NDST4: variants seen among roughly 807,000 people sequenced by gnomAD.
NDST4 encodes N-deacetylase and N-sulfotransferase 4.
A neutral mutation model predicts 100.8 loss-of-function variants in NDST4; 63 were observed. The ratio of observed to expected loss-of-function variants is 0.62; its 90% CI spans 0.51 to 0.77. The LOEUF is 0.77. Ranked by LOEUF, NDST4 falls within the 30% of genes least tolerant of loss-of-function variation. The pLI, the probability that NDST4 is intolerant of heterozygous loss-of-function variation, is 0.00. For synonymous variants in NDST4, 377 were observed against 361.8 expected (o/e 1.04, Z -0.48); for missense variants, 943 against 1,018.4 (o/e 0.93, Z 1.01).
chr4:114,833,662 A>C lies in NDST4; in HGVS notation c.2340T>G (p.Asp780Glu). The change falls in exon 12 of 14, where the codon GAT becomes GAG. Residue 780 changes from aspartate to glutamate, a missense_variant. Transcript: ENST00000264363. ...QLRSDPATVM[D>E]EVQKFLGVTP... Reference sequence around the variant, plus strand: ...TAACTCCCAGAAACTTCTGGACTTCATCCATCACAGTAGCTGGGTCAGATC... The same window carrying C: ...TAACTCCCAGAAACTTCTGGACTTCCTCCATCACAGTAGCTGGGTCAGATC... 1 of 1,613,568 alleles carries C rather than the reference A, an allele frequency of 6.2e-7. No individual in the cohort carries two copies. Among genetic ancestry groups the C allele is most frequent in the Non-Finnish European group, 8.5e-7 (1 of 1,179,790 alleles).
At chr4:114,998,980 T>A (rs1250433263) in intron 2 of NDST4, among the ~76,000 whole-genome samples, 18 of 152,028 alleles carry the variant, frequency 1.2e-4, no homozygotes. Context: ...CATATCATAA[T>A]CACACAAGAT....
chr4:114,853,361 T>A (rs1723720768), intron 7 of NDST4, among the ~76,000 whole-genome samples: 1 of 152,156 alleles, frequency 6.6e-6, no homozygotes, highest in South Asian at 2.1e-4. Flanking sequence ...AGCTCTAGAC[T>A]TAAGGTTTTA....
In NDST4 at chr4:114,929,041, T is replaced by TCCGTCC. The variant is rs1560816896; in HGVS notation, c.1536+6164_1536+6165insGGACGG. Among the ~76,000 whole-genome samples the TCCGTCC allele has an allele frequency of 3.0e-3, 363 of 122,038 alleles. 4 individuals carry two copies. Among genetic ancestry groups the TCCGTCC allele is most frequent in the African/African-American group, 0.01 (352 of 34,296 alleles). The allele number at this position is 122,038 out of a possible 152,430, so 80.1% of individuals were successfully genotyped here. On this transcript the variant is annotated intron_variant, in intron 6 of 13. Transcript: ENST00000264363. Reference sequence around the variant, plus strand: ...CTATCTATCTGTCTGTCTGTCTGTCTGTCCGTCCGTCCGTCCGTCCGTCCG... The same window carrying TCCGTCC: ...CTATCTATCTGTCTGTCTGTCTGTCTCCGTCCGTCCGTCCGTCCGTCCGTCCGTCCG...
chr4:114,976,456 A>C (rs996398912), intron 3 of NDST4, among the ~76,000 whole-genome samples: 1 of 143,774 alleles, frequency 7.0e-6, no homozygotes, highest in African/African-American at 2.5e-5. Context: ...CAGATATTTC[A>C]ATGCTAATAT....
In NDST4 at chr4:114,974,747, T is replaced by C. The variant is rs1258044717; in HGVS notation, c.1066+2440A>G. Among the ~76,000 whole-genome samples the C allele has an allele frequency of 7.2e-5, 11 of 152,298 alleles. No individual in the cohort carries two copies. The East Asian group carries it at 1.4e-3, about 19-fold the overall frequency. ...TGACTTTAGGAAAAGCTTAGTGGTA[T>C]GCCCTTTTGAGGTGAGATTGTTTTT... On this transcript the variant is annotated intron_variant, in intron 3 of 13. Coordinates refer to ENST00000264363, the MANE Select transcript of NDST4 (RefSeq NM_022569.3).
chr4:114,895,861 T>A (rs1421762537), intron 6 of NDST4, among the ~76,000 whole-genome samples: 3 of 152,024 alleles, frequency 2.0e-5, no homozygotes, highest in Admixed American at 2.0e-4. Context: ...GTTGGCTTCA[T>A]CCCTGGGATG....
At chr4:114,973,213 ATTATATGTGGAAATATCATTTGCAGT>A (rs1378091577) in intron 3 of NDST4, among the ~76,000 whole-genome samples, 2 of 151,996 alleles carry the variant, frequency 1.3e-5, no homozygotes, top group African/African-American at 4.8e-5. Flanking sequence ...ATATACTTAA[ATTATATGTGGAAATATCATTTGCAGT>A]TTATATGTGA....
chr4:114,967,174 C>A (rs1370380870), intron 4 of NDST4, among the ~76,000 whole-genome samples: 2 of 151,940 alleles, frequency 1.3e-5, no homozygotes, highest in Non-Finnish European at 2.9e-5. Flanking sequence ...GTTATGTTGA[C>A]AATAAAGGTG....
intron 2 of NDST4, among the ~76,000 whole-genome samples, chr4:115,026,852 T>G (rs1727997565): frequency 6.6e-6 from 1 of 152,122 alleles, no homozygotes; most frequent in African/African-American, 2.4e-5. Flanking sequence ...TGTATTTTAA[T>G]AGATATTTCT....
At chr4:114,941,973 T>G (rs891228350) in intron 4 of NDST4, among the ~76,000 whole-genome samples, 1 of 152,244 alleles carries the variant, frequency 6.6e-6, no homozygotes, top group Non-Finnish European at 1.5e-5. Flanking sequence ...GTGGTTTAAG[T>G]TCTAAGAAAA....
At chr4:115,048,368 T>C (rs1014745956) in intron 2 of NDST4, among the ~76,000 whole-genome samples, 1 of 152,170 alleles carries the variant, frequency 6.6e-6, no homozygotes, top group Non-Finnish European at 1.5e-5. Flanking sequence ...CTTTTTCATA[T>C]GTCAAATTCA....
rs279517 is a variant in NDST4, at chr4:114,980,253, T to A, written c.979-2979A>T. On this transcript the variant is annotated intron_variant, in intron 2 of 13. Coordinates refer to ENST00000264363, the MANE Select transcript of NDST4 (RefSeq NM_022569.3). ...CTTGTTAATGAGCTAGAAATAAAGT[T>A]TCTCAATTTGGGATACAAATAAAAT... Among the ~76,000 whole-genome samples, 505 of 152,254 alleles carry A rather than the reference T, an allele frequency of 3.3e-3. 3 individuals carry two copies. The highest frequency in any genetic ancestry group is 4.0e-3 in the Non-Finnish European group (269 of 68,028).
intron 6 of NDST4, among the ~76,000 whole-genome samples, chr4:114,926,217 A>G (rs1376401910): frequency 6.6e-6 from 1 of 152,126 alleles, no homozygotes; most frequent in Non-Finnish European, 1.5e-5. Context: ...GAAAAATAAG[A>G]GGGAGTTATC....
At chr4:114,875,804 G>C (rs568713458) in intron 6 of NDST4, among the ~76,000 whole-genome samples, 8 of 152,126 alleles carry the variant, frequency 5.3e-5, no homozygotes, top group Non-Finnish European at 1.0e-4. Flanking sequence ...TACTCTCCAG[G>C]TTGAGTCAGA....
intron 7 of NDST4, among the ~76,000 whole-genome samples, chr4:114,865,124 G>A (rs1445110961): frequency 6.6e-6 from 1 of 151,594 alleles, no homozygotes; most frequent in Non-Finnish European, 1.5e-5. Flanking sequence ...GAGTGCAGTG[G>A]CACAATCTCG....
In NDST4 at chr4:115,076,986, G is replaced by C; in HGVS notation, c.51C>G (p.Leu17=). 1 of 1,612,254 alleles carries C rather than the reference G, an allele frequency of 6.2e-7. No individual in the cohort carries two copies. The highest frequency in any genetic ancestry group is 8.5e-7 in the Non-Finnish European group (1 of 1,179,308). The part of the protein sequence containing the change: ...LRRSFRTLIV[L]LATFCLVSIV... ...TGCTCACCAAGCAAAAGGTAGCTAA[G>C]AGAACAATCAATGTTCGAAAACTTC... Residue 17 remains leucine (L), a synonymous_variant, in exon 2 of 14, where the codon CTC becomes CTG. Transcript: ENST00000264363.
chr4:114,959,146 A>G (rs1470580734), intron 4 of NDST4, among the ~76,000 whole-genome samples: 1 of 152,170 alleles, frequency 6.6e-6, no homozygotes, highest in Non-Finnish European at 1.5e-5. Flanking sequence ...CATTTTCCAG[A>G]TCACTTTCAG....
intron 4 of NDST4, among the ~76,000 whole-genome samples, chr4:114,960,051 A>G (rs1181057947): frequency 2.6e-5 from 4 of 152,254 alleles, no homozygotes; most frequent in Non-Finnish European, 5.9e-5. Flanking sequence ...AGAACTCATC[A>G]CATAGAAGTG....
chr4:114,903,728 G>A (rs192637360), intron 6 of NDST4, among the ~76,000 whole-genome samples: 1 of 152,052 alleles, frequency 6.6e-6, no homozygotes, highest in East Asian at 1.9e-4. Flanking sequence ...ACCAGAAACT[G>A]TAAGTCTCTG....
Sources: gnomAD v4.1 joint callset for allele counts (sites outside exome capture counted in the v4.1 genomes callset) on GRCh38, gnomAD v4.1.1 for gene constraint, MANE v1.5 for transcripts, NCBI Gene and HGNC (gene_info 2026-07-23, HGNC 2026-07-21) for gene names.